Variants in DOCK7 observed in about 807,000 individuals in gnomAD.
The protein encoded by DOCK7 is dedicator of cytokinesis 7.
In DOCK7, 138 loss-of-function variants were observed where a neutral mutation model predicts 271.0. The observed-to-expected ratio is 0.51, with a 90% CI of 0.44 to 0.59. The LOEUF is 0.59. Ranked by LOEUF, DOCK7 falls within the 20% of genes least tolerant of loss-of-function variation. DOCK7 has a pLI of 0.00. For synonymous variants in DOCK7, 823 were observed against 876.1 expected (o/e 0.94, Z 1.07); for missense variants, 2,066 against 2,592.4 (o/e 0.80, Z 4.41).
At chr1:62,619,091 T>C (rs1287505752) in intron 13 of DOCK7, among the ~76,000 whole-genome samples, 1 of 151,654 alleles carries the variant, frequency 6.6e-6, no homozygotes, top group African/African-American at 2.4e-5. Flanking sequence ...AAATAATAAA[T>C]GCTTATTAAA....
chr1:62,594,172 ATAG>A, intron 14 of DOCK7, among the ~76,000 whole-genome samples: 1 of 152,240 alleles, frequency 6.6e-6, no homozygotes, highest in South Asian at 2.1e-4. Flanking sequence ...TTCTATTTAA[ATAG>A]GCACAAGTTC....
intron 18 of DOCK7, among the ~76,000 whole-genome samples, chr1:62,562,233 C>CTTTTTTTTTTTTTTTTTT (rs59893499): frequency 2.5e-5 from 3 of 121,214 alleles, no homozygotes; most frequent in Non-Finnish European, 1.7e-5. Context: ...GATCCAAAAA[C>CTTTTTTTTTTTTTTTTTT]TTTTTTTTTT....
At chr1:62,578,245 T>C (rs1646997454) in intron 17 of DOCK7, among the ~76,000 whole-genome samples, 1 of 152,214 alleles carries the variant, frequency 6.6e-6, no homozygotes, top group South Asian at 2.1e-4. Context: ...ATTATATTTA[T>C]ACTGCATTGT....
chr1:62,577,288 G>T lies in DOCK7; in HGVS notation c.2086C>A (p.Gln696Lys). The change falls in exon 18 of 50, where the codon CAG becomes AAG. Residue 696 changes from glutamine (Q) to lysine (K), a missense_variant. Gln to Lys is a moderately conservative substitution (Grantham distance 53). Around this residue, in one of 2 missense-constraint regions of DOCK7, gnomAD observed 1,414 missense variants for 1,670.4 expected, o/e 0.85. Coordinates refer to ENST00000635253, the MANE Select transcript of DOCK7 (RefSeq NM_001367561.1). ...CLPVSLEKPP[Q>K]AYSVLSPEVP... is the part of the protein sequence containing the mutation. Reference sequence around the variant, plus strand: ...TCAGGAGACAGTACAGAATAAGCCTGTGGTGGTTTTTCCAATGAGACTGGC... The same window carrying T: ...TCAGGAGACAGTACAGAATAAGCCTTTGGTGGTTTTTCCAATGAGACTGGC... 6.3e-7 allele frequency: 1 copy of T among 1,591,720 alleles called. No homozygotes were observed. Among genetic ancestry groups the T allele is most frequent in the Non-Finnish European group, 8.6e-7 (1 of 1,166,682 alleles).
chr1:62,514,716 T>G (rs1288937185), intron 31 of DOCK7, among the ~76,000 whole-genome samples: 2 of 109,294 alleles, frequency 1.8e-5, no homozygotes, highest in Non-Finnish European at 4.4e-5. Flanking sequence ...TAATCATGTT[T>G]TATTTAGCTC....
rs1378813753 is a variant in DOCK7, at chr1:62,647,833, TC to T, written c.733-58del. ...ATGCTTATCATATTCCAACTCTTTA[TC>T]TTTTTCAGAACTTACTTTACTAATC... On this transcript the variant is annotated intron_variant, in intron 6 of 49. Coordinates refer to ENST00000635253, the MANE Select transcript of DOCK7 (RefSeq NM_001367561.1). 3 of 1,302,922 alleles carry T rather than the reference TC, an allele frequency of 2.3e-6. No individual in the cohort carries two copies. In the African/African-American group the frequency reaches 4.5e-5, roughly 19 times the overall value. 80.7% of individuals were successfully genotyped at this position (1,302,922 alleles called of 1,614,324 possible).
chr1:62,688,167 G>A (rs2149794639), intron 1 of DOCK7, 60 bp downstream of exon 1: 2 of 1,327,268 alleles, frequency 1.5e-6, no homozygotes, highest in Non-Finnish European at 1.9e-6. Flanking sequence ...CCAGGCCTGG[G>A]AGGACTCCGC....
chr1:62,564,083 G>T lies in DOCK7; in HGVS notation c.2113-2380C>A, dbSNP rs563679371. 5.9e-5 allele frequency among the ~76,000 whole-genome samples: 9 copies of T among 152,024 alleles called. No individual in the cohort carries two copies. The East Asian group carries it at 1.7e-3, about 29-fold the overall frequency. On this transcript the variant is annotated intron_variant, in intron 18 of 49. Transcript: ENST00000635253. Reference sequence around the variant, plus strand: ...CAGATTCATAAAGCAAGTTATTAGAGACCTACAAAGACACTTAGACTCCCA... The same window carrying T: ...CAGATTCATAAAGCAAGTTATTAGATACCTACAAAGACACTTAGACTCCCA...
intron 1 of DOCK7, among the ~76,000 whole-genome samples, chr1:62,686,642 A>G (rs1055325592): frequency 2.0e-5 from 3 of 152,174 alleles, no homozygotes; most frequent in Admixed American, 1.3e-4. Context: ...TCCTACGCAC[A>G]TTACACAAAT....
chr1:62,679,923 G>A (rs1660924433), intron 1 of DOCK7, among the ~76,000 whole-genome samples: 1 of 152,132 alleles, frequency 6.6e-6, no homozygotes, highest in African/African-American at 2.4e-5. Context: ...CCATGCTCAT[G>A]GATAGGAAGA....
chr1:62,592,863 G>GT (rs1648667197), intron 14 of DOCK7, among the ~76,000 whole-genome samples: 1 of 152,088 alleles, frequency 6.6e-6, no homozygotes, highest in African/African-American at 2.4e-5. Flanking sequence ...AAAAGCAATC[G>GT]TAAGTTACAA....
chr1:62,474,361 T>C (rs1645912603), intron 47 of DOCK7, among the ~76,000 whole-genome samples: 1 of 152,250 alleles, frequency 6.6e-6, no homozygotes, highest in African/African-American at 2.4e-5. Flanking sequence ...TTAATGTATT[T>C]TGCTTTGTAT....
intron 14 of DOCK7, among the ~76,000 whole-genome samples, chr1:62,615,139 T>C (rs1427999940): frequency 6.6e-6 from 1 of 151,900 alleles, no homozygotes. Context: ...CTTTATGTAA[T>C]TTGGAGATTA....
rs750440166 is a variant in DOCK7, at chr1:62,457,654, C to T, written c.6264G>A (p.Lys2088=). Residue 2088 remains lysine, a synonymous_variant, in exon 49 of 50, where the codon AAG becomes AAA. Coordinates refer to ENST00000635253, the MANE Select transcript of DOCK7 (RefSeq NM_001367561.1). ...KNKSLIGPDQ[K]EYQRELERNY... is the part of the protein sequence containing the mutation. ...TTCTCTCCAGTTCCCTTTGATACTC[C>T]TTTTGATCCGGCCCAATTAAGCTCT... The T allele has an allele frequency of 3.1e-6, 5 of 1,614,170 alleles. No homozygotes were observed. In the East Asian group the frequency reaches 1.1e-4, roughly 36 times the overall value.
chr1:62,455,485 GTTAA>G, intron 49 of DOCK7, 29 bp from the exon 50 acceptor site: 1 of 1,608,392 alleles, frequency 6.2e-7, no homozygotes. Flanking sequence ...GACATAGTTA[GTTAA>G]AGAGAACAAT....
chr1:62,604,345 C>T (rs1004895380), intron 14 of DOCK7: 3 of 1,353,760 alleles, frequency 2.2e-6, no homozygotes, highest in African/African-American at 1.5e-5. Flanking sequence ...CCCAAATAAG[C>T]GTTTTCTCTC....
chr1:62,679,175 G>A (rs1660846343), intron 1 of DOCK7, among the ~76,000 whole-genome samples: 1 of 151,928 alleles, frequency 6.6e-6, no homozygotes, highest in Admixed American at 6.6e-5. Context: ...ATAAAAAGGG[G>A]GTAACTACAA....
chr1:62,539,498 T>A lies in DOCK7; in HGVS notation c.3300+47A>T, dbSNP rs779926266. 9 of 1,459,862 alleles carry A rather than the reference T, an allele frequency of 6.2e-6. No homozygotes were observed. The East Asian group carries it at 1.8e-4, about 29-fold the overall frequency. The allele number at this position is 1,459,862 out of a possible 1,614,324, so 90.4% of individuals were successfully genotyped here. A position where few individuals can be genotyped will look rare whatever the true frequency, so the allele number is the denominator to read the frequency against. On this transcript the variant is annotated intron_variant, in intron 27 of 49. Coordinates refer to ENST00000635253, the MANE Select transcript of DOCK7 (RefSeq NM_001367561.1). Reference sequence around the variant, plus strand: ...GCTCTAACTTTGAAAAGAACTAACATAGTATTTAAATTATTTGATTACTAA... The same window carrying A: ...GCTCTAACTTTGAAAAGAACTAACAAAGTATTTAAATTATTTGATTACTAA...
chr1:62,461,160 C>G (rs958084427), intron 48 of DOCK7, among the ~76,000 whole-genome samples: 1 of 152,136 alleles, frequency 6.6e-6, no homozygotes, highest in Non-Finnish European at 1.5e-5. Context: ...CTGTAGCAAA[C>G]ATACTTAGTG....
Sources: allele counts gnomAD v4.1 joint callset (sites outside exome capture counted in the v4.1 genomes callset), GRCh38; gene constraint gnomAD v4.1.1; regional missense constraint gnomAD v4.1.1; transcripts MANE v1.5; gene names NCBI Gene and HGNC (gene_info 2026-07-23, HGNC 2026-07-21).